The following SORCS1 variants were observed in gnomAD, a reference collection of about 807,000 sequenced individuals.
SORCS1 encodes the protein VPS10 domain-containing receptor SorCS1.
A neutral mutation model predicts 146.1 loss-of-function variants in SORCS1; 60 were observed. The ratio of observed to expected loss-of-function variants is 0.41; its 90% confidence interval spans 0.33 to 0.51. The LOEUF is 0.51. SORCS1 is among the 20% of genes least tolerant of loss of function. The probability of loss-of-function intolerance (pLI) is 0.21; values close to 1 mark genes in which losing one functional copy is unlikely to be tolerated. For missense variants in SORCS1, 1,352 were observed against 1,487.6 expected, an observed-to-expected ratio of 0.91 and a Z score of 1.50; for synonymous variants, 637 against 584.0, an observed-to-expected ratio of 1.09 and a Z score of -1.31.
chr10:106,628,850 C>T lies in SORCS1; in HGVS notation c.2662+352G>A, dbSNP rs1848258421. ...TTGAGTGGTGCATGTGGATTGTTTTCAACAATTTCTGACCCCAGCAAAACC... is the reference window on the plus strand; with the variant it reads ...TTGAGTGGTGCATGTGGATTGTTTTTAACAATTTCTGACCCCAGCAAAACC... On this transcript the variant is annotated intron_variant, in intron 19 of 25. Coordinates refer to ENST00000263054, the MANE Select transcript of SORCS1 (RefSeq NM_052918.5). Among the ~76,000 whole-genome samples the T allele has an allele frequency of 2.6e-5, 4 of 152,162 alleles. No individual in the cohort carries two copies. In the South Asian group the frequency reaches 8.3e-4, roughly 31 times the overall value.
rs140577565 is a variant in SORCS1 at position 107,080,992 on chromosome 10, C to T, written c.558+82977G>A. On this transcript the variant is annotated intron_variant, in intron 1 of 25. Coordinates refer to ENST00000263054, the MANE Select transcript of SORCS1 (RefSeq NM_052918.5). ...TTTATCATAACATTTAGTCACACAA[C>T]CATAAAAAAAAGATATCATTGCTAT... Among the ~76,000 whole-genome samples, 177 of 152,154 alleles carry T rather than the reference C, an allele frequency of 1.2e-3. 1 individual carries two copies. Among genetic ancestry groups the T allele is most frequent in the African/African-American group, 3.5e-3 (144 of 41,506 alleles).
intron 5 of SORCS1, among the ~76,000 whole-genome samples, chr10:106,736,268 C>T (rs1188698218): frequency 2.6e-5 from 4 of 152,076 alleles, no homozygotes; most frequent in Non-Finnish European, 2.9e-5. Flanking sequence ...TGTAGATAAC[C>T]GCAGAGCAAG....
intron 2 of SORCS1, among the ~76,000 whole-genome samples, chr10:106,831,956 C>T (rs1948563727): frequency 6.6e-6 from 1 of 152,190 alleles, no homozygotes; most frequent in Non-Finnish European, 1.5e-5. Context: ...AGTCTCTGCA[C>T]TACTATAATC....
chr10:106,623,683 T>C (rs1189651649), intron 19 of SORCS1, among the ~76,000 whole-genome samples: 3 of 152,118 alleles, frequency 2.0e-5, no homozygotes, highest in African/African-American at 7.2e-5. Context: ...TTTTATTTTT[T>C]GAGACAGAGT....
intron 17 of SORCS1, among the ~76,000 whole-genome samples, chr10:106,658,494 G>A (rs1850477686): frequency 6.6e-6 from 1 of 152,058 alleles, no homozygotes; most frequent in South Asian, 2.1e-4. Flanking sequence ...TAAAAAAAAA[G>A]CATAAATAGT....
intron 1 of SORCS1, among the ~76,000 whole-genome samples, chr10:107,112,813 T>A (rs948188075): frequency 6.6e-6 from 1 of 152,104 alleles, no homozygotes; most frequent in Non-Finnish European, 1.5e-5. Flanking sequence ...TGATAACAAT[T>A]GTAAATATAT....
intron 3 of SORCS1, among the ~76,000 whole-genome samples, chr10:106,783,749 T>A (rs1861070609): frequency 6.6e-6 from 1 of 152,224 alleles, no homozygotes; most frequent in Non-Finnish European, 1.5e-5. Context: ...GGCTCTGGCT[T>A]CCTTTACCTT....
At chr10:107,166,011 C>G (rs2134974760), upstream of SORCS1, among the ~76,000 whole-genome samples, 1 of 152,284 alleles carries the variant, frequency 6.6e-6, no homozygotes, top group African/African-American at 2.4e-5. Context: ...TTCTCAAAAT[C>G]CAATCCTTTT....
At chr10:106,860,705 A>G (rs1416609768) in intron 2 of SORCS1, among the ~76,000 whole-genome samples, 1 of 152,226 alleles carries the variant, frequency 6.6e-6, no homozygotes. Flanking sequence ...ATAGGGTACT[A>G]TTCGTAGAAT....
intron 1 of SORCS1, among the ~76,000 whole-genome samples, chr10:107,014,867 C>A (rs1447679209): frequency 1.3e-5 from 2 of 152,338 alleles, no homozygotes; most frequent in Non-Finnish European, 2.9e-5. Context: ...AAACCACATT[C>A]TTTTCTCCCT....
In SORCS1 at chr10:106,579,368, C is replaced by T; in HGVS notation, c.3371+1G>A. The T allele has an allele frequency of 6.2e-7, 1 of 1,613,964 alleles. No homozygotes were observed. Among genetic ancestry groups the T allele is most frequent in the Non-Finnish European group, 8.5e-7 (1 of 1,179,998 alleles). ...GGGAACGTGGATAGAGGGACACGCA[C>T]CTTTTAAACTTGTAGATGACGAACA... On this transcript the variant is annotated splice_donor_variant, in intron 25 of 25. Coordinates refer to ENST00000263054, the MANE Select transcript of SORCS1 (RefSeq NM_052918.5). LOFTEE classifies it high-confidence loss of function.
intron 9 of SORCS1, among the ~76,000 whole-genome samples, chr10:106,689,705 A>T (rs117539852): frequency 6.6e-6 from 1 of 152,190 alleles, no homozygotes; most frequent in Non-Finnish European, 1.5e-5. Context: ...CCAATTCTAC[A>T]GATAAAGAAA....
At chr10:107,041,765 G>T (rs1252256850) in intron 1 of SORCS1, among the ~76,000 whole-genome samples, 1 of 152,116 alleles carries the variant, frequency 6.6e-6, no homozygotes, top group Non-Finnish European at 1.5e-5. Context: ...AGGGGCTAAG[G>T]CACTACATTT....
At chr10:106,907,300 T>C (rs771632648) in intron 2 of SORCS1, among the ~76,000 whole-genome samples, 2 of 152,184 alleles carry the variant, frequency 1.3e-5, no homozygotes, top group African/African-American at 2.4e-5. Context: ...CCATTAAATA[T>C]TGTGACATAT....
chr10:107,158,426 A>G (rs1969454467), intron 1 of SORCS1, among the ~76,000 whole-genome samples: 1 of 152,228 alleles, frequency 6.6e-6, no homozygotes, highest in African/African-American at 2.4e-5. Context: ...CCATTCAGCT[A>G]AAAATATCCT....
At chr10:107,081,805 T>C (rs1181027117) in intron 1 of SORCS1, among the ~76,000 whole-genome samples, 1 of 152,114 alleles carries the variant, frequency 6.6e-6, no homozygotes, top group Non-Finnish European at 1.5e-5. Context: ...GCTATCTCAG[T>C]CATGAGGTAT....
At chr10:106,578,607 C>T (rs573425513) in intron 25 of SORCS1, 72 of 967,184 alleles carry the variant, frequency 7.4e-5, no homozygotes, top group Admixed American at 2.4e-4. Context: ...AGGCTGGCCA[C>T]TCTCATTATG....
intron 9 of SORCS1, among the ~76,000 whole-genome samples, chr10:106,696,525 C>A (rs750033922): frequency 6.6e-6 from 1 of 152,156 alleles, no homozygotes; most frequent in Non-Finnish European, 1.5e-5. Flanking sequence ...ACTCCTCTCT[C>A]CCAGCCCCAG....
chr10:106,760,445 A>AC (rs1859005879), intron 5 of SORCS1, among the ~76,000 whole-genome samples: 1 of 147,956 alleles, frequency 6.8e-6, no homozygotes, highest in East Asian at 2.0e-4. Context: ...TCCGTCTCAA[A>AC]AAAAAAAAAA....
Sources: gnomAD v4.1 joint callset for allele counts (sites outside exome capture counted in the v4.1 genomes callset) on GRCh38, gnomAD v4.1.1 for gene constraint, MANE v1.5 for transcripts, NCBI Gene and HGNC (gene_info 2026-07-23, HGNC 2026-07-21) for gene names.